The following SAGE1 variants were observed in gnomAD, a reference collection of about 807,000 sequenced individuals.
SAGE1 encodes sarcoma antigen 1.
Under a neutral mutation model 55.4 loss-of-function variants are expected in SAGE1, and 55 were observed. The observed-to-expected ratio is 0.99, with a 90% CI of 0.80 to 1.24. The LOEUF (loss-of-function observed/expected upper bound fraction) is 1.24, where lower values mean the gene tolerates loss of function less well. SAGE1 is among the 50% of genes most tolerant of loss of function. The probability of loss-of-function intolerance (pLI) is 0.00; values close to 1 mark genes in which losing one functional copy is unlikely to be tolerated. For synonymous variants in SAGE1, 240 were observed against 244.3 expected (o/e 0.98, Z 0.17); for missense variants, 710 against 704.4 (o/e 1.01, Z -0.09).
Position 135,908,900 on chromosome X carries a change from T to C in SAGE1, c.1478T>C (p.Met493Thr). The C allele has an allele frequency of 3.3e-6, 4 of 1,210,170 alleles. No individual in the cohort carries two copies. The highest frequency in any genetic ancestry group is 4.5e-6 in the Non-Finnish European group (4 of 894,386). ...TITHSVREEK[M>T]ESGKPQTDKV... is the part of the protein sequence containing the mutation. ...ACTCACAGTGTTCGTGAAGAGAAGA[T>C]GGAAAGTGGCAAACCCCAAACTGAT... The change falls in exon 13 of 20, where the codon ATG becomes ACG. Residue 493 changes from methionine (M) to threonine (T), a missense_variant. Met to Thr is a moderately conservative substitution (Grantham distance 81). Coordinates refer to ENST00000370709, the MANE Select transcript of SAGE1 (RefSeq NM_001381902.1).
At position 135,908,202 on chromosome X, in the gene SAGE1, A is replaced by T. The variant is rs145952520; in HGVS notation, c.1273A>T (p.Ile425Phe). ...GCTTATTAACTTGGCAGGAGCTGGTATTCCACCCATGAGTACCAGGGATCA... is the reference window on the plus strand; with the variant it reads ...GCTTATTAACTTGGCAGGAGCTGGTTTTCCACCCATGAGTACCAGGGATCA... ...PELINLAGAG[I>F]PPMSTRDQYA... is the part of the protein sequence containing the mutation. Residue 425 changes from isoleucine to phenylalanine, a missense_variant, in exon 11 of 20, where the codon ATT (isoleucine) becomes TTT (phenylalanine). Physicochemically the swap from Ile to Phe is conservative, Grantham distance 21. Coordinates refer to ENST00000370709, the MANE Select transcript of SAGE1 (RefSeq NM_001381902.1). 8.3e-7 allele frequency: 1 copy of T among 1,209,644 alleles called. No homozygotes were observed. Among genetic ancestry groups the T allele is most frequent in the Non-Finnish European group, 1.1e-6 (1 of 893,539 alleles).
chrX:135,897,876 C>A (rs1426868479), intron 2 of SAGE1, among the ~76,000 whole-genome samples: 1 of 111,071 alleles, frequency 9.0e-6, no homozygotes, highest in East Asian at 2.8e-4. Flanking sequence ...CCCGACGTGT[C>A]CATGTGTTCT....
intron 2 of SAGE1, among the ~76,000 whole-genome samples, chrX:135,896,599 C>G (rs1481796444): frequency 2.0e-5 from 2 of 102,439 alleles, no homozygotes; most frequent in Non-Finnish European, 3.9e-5. Flanking sequence ...ACTCTTGTTG[C>G]CCAGGCTGGA....
chrX:135,896,908 A>T (rs782483911), intron 2 of SAGE1, among the ~76,000 whole-genome samples: 1 of 111,651 alleles, frequency 9.0e-6, no homozygotes, highest in Non-Finnish European at 1.9e-5. Flanking sequence ...TGTTCTGCAG[A>T]TATGTATTAC....
chrX:135,905,468 CT>C, intron 5 of SAGE1, 76 bp downstream of exon 5: 1 of 1,010,373 alleles, frequency 9.9e-7, no homozygotes, highest in Non-Finnish European at 1.4e-6. Flanking sequence ...GTAGAAGTCA[CT>C]TTTGTTGCAT....
chrX:135,910,598 A>G, intron 16 of SAGE1, 43 bp downstream of exon 16: 1 of 1,134,001 alleles, frequency 8.8e-7, no homozygotes, highest in Non-Finnish European at 1.2e-6. Context: ...TGGTTTCCCT[A>G]AGCAGGCATA....
Position 135,907,743 on chromosome X carries a change from A to G in SAGE1, c.1061A>G (p.Asn354Ser), listed in dbSNP as rs2088822002. ...THNVCEERVV[N>S]NQPLPSNALS... ...AATGTCTGTGAAGAGAGAGTGGTAA[A>G]TAACCAACCACTACCTAGTAACGCC... Residue 354 changes from asparagine to serine, a missense_variant, in exon 10 of 20, where the codon AAT becomes AGT. By Grantham distance (46) the Asn-to-Ser change is conservative. Coordinates refer to ENST00000370709, the MANE Select transcript of SAGE1 (RefSeq NM_001381902.1). 1 of 1,208,336 alleles carries G rather than the reference A, an allele frequency of 8.3e-7. No homozygotes were observed. Among genetic ancestry groups the G allele is most frequent in the African/African-American group, 1.7e-5 (1 of 57,577 alleles).
chrX:135,910,372 A>C lies in SAGE1; in HGVS notation c.1865-43A>C, dbSNP rs369461608. On this transcript the variant is annotated intron_variant, in intron 15 of 19. Coordinates refer to ENST00000370709, the MANE Select transcript of SAGE1 (RefSeq NM_001381902.1). ...AGAGGGGTATGCCTGTGCGGTTGAC[A>C]TAATGCACTTACCTCACGCCCAACC... 207 of 1,196,851 alleles carry C rather than the reference A, an allele frequency of 1.7e-4. 1 individual carries two copies. The highest frequency in any genetic ancestry group is 2.3e-4 in the Non-Finnish European group (204 of 884,546).
chrX:135,909,116 G>A, intron 13 of SAGE1, 112 bp downstream of exon 13: 2 of 685,671 alleles, frequency 2.9e-6, no homozygotes, highest in Non-Finnish European at 4.4e-6. Flanking sequence ...CAATTTGAGG[G>A]ATCTCAGTTG....
chrX:135,904,682 T>G, intron 4 of SAGE1, 113 bp downstream of exon 4: 1 of 502,159 alleles, frequency 2.0e-6, no homozygotes. Context: ...TCATGAATTA[T>G]AGAAGGTGGT....
chrX:135,910,099 T>A lies in SAGE1; in HGVS notation c.1793T>A (p.Phe598Tyr), dbSNP rs782734509. The A allele has an allele frequency of 8.3e-6, 10 of 1,204,829 alleles. No individual in the cohort carries two copies. In the South Asian group the frequency reaches 1.8e-4, roughly 21 times the overall value. The change falls in exon 15 of 20, where the codon TTC (phenylalanine) becomes TAC (tyrosine). Residue 598 changes from phenylalanine to tyrosine, a missense_variant. By Grantham distance (22) the Phe-to-Tyr change is conservative (BLOSUM62 3). Transcript: ENST00000370709. ...GGCCAAGCAGCATCCGATAATGTCT[T>A]CTCGACTGTTCCACCAGCATTTATT... Reference protein sequence around the residue: ...KNGQAASDNVFSTVPPAFINM... With the variant: ...KNGQAASDNVYSTVPPAFINM...
intron 18 of SAGE1, 61 bp downstream of exon 18, chrX:135,912,014 G>C (rs782375586): frequency 1.1e-5 from 13 of 1,174,163 alleles, no homozygotes; most frequent in Non-Finnish European, 1.5e-5. Context: ...CTATGATTTA[G>C]AACAGAATTG....
At position 135,895,012 on chromosome X, in the gene SAGE1, T is replaced by TTTGTTTG. The variant is rs2088562595; in HGVS notation, c.1-1229_1-1228insGTTTGTT. On this transcript the variant is annotated intron_variant, in intron 1 of 19. Transcript: ENST00000370709. ...AGTTTGTTTGTTTGTTTGTTTGTTT[T>TTTGTTTG]TTAACTTAAAGGAAAGTATGTATTA... 1.5e-3 allele frequency among the ~76,000 whole-genome samples: 94 copies of TTTGTTTG among 63,434 alleles called. 1 individual carries two copies. Among genetic ancestry groups the TTTGTTTG allele is most frequent in the Non-Finnish European group, 2.6e-3 (78 of 30,333 alleles). 55.1% of individuals were successfully genotyped at this position (63,434 alleles called of 115,157 possible).
chrX:135,905,420 A>G (rs367777803), intron 5 of SAGE1, 28 bp downstream of exon 5: 54 of 1,146,630 alleles, frequency 4.7e-5, no homozygotes, highest in South Asian at 3.7e-4. Context: ...TTGTACTGTC[A>G]TACTTGTTTT....
At chrX:135,906,730 A>T (rs782484273) in intron 7 of SAGE1, among the ~76,000 whole-genome samples, 179 bp downstream of exon 7, 1 of 111,456 alleles carries the variant, frequency 9.0e-6, no homozygotes, top group African/African-American at 3.3e-5. Flanking sequence ...ATATGCATGC[A>T]TAGTGTCAAA....
chrX:135,908,129 T>C lies in SAGE1; in HGVS notation c.1200T>C (p.Asp400=), dbSNP rs144682113. The change falls in exon 11 of 20, where the codon GAT becomes GAC. Residue 400 remains aspartate, a synonymous_variant. Transcript: ENST00000370709. Reference sequence around the variant, plus strand: ...ACAATCTGCGTGAAGAGAAGAAAGATAACAGCCAACCAACCCCTGATAACG... The same window carrying C: ...ACAATCTGCGTGAAGAGAAGAAAGACAACAGCCAACCAACCCCTGATAACG... ...IIHNLREEKK[D]NSQPTPDNVL... is the part of the protein sequence containing the mutation. 3,446 of 1,207,762 alleles carry C rather than the reference T, an allele frequency of 2.9e-3. 8 individuals carry two copies. The highest frequency in any genetic ancestry group is 3.6e-3 in the Non-Finnish European group (3,257 of 893,975).
At chrX:135,912,201 A>G (rs2088910599) in intron 18 of SAGE1, 120 bp from the exon 19 acceptor site, 2 of 1,101,675 alleles carry the variant, frequency 1.8e-6, no homozygotes, top group African/African-American at 3.7e-5. Flanking sequence ...AGCATTCAAA[A>G]CAAGCACTAT....
In SAGE1 at chrX:135,906,135, C is replaced by G. The variant is rs782649719; in HGVS notation, c.566C>G (p.Pro189Arg). Residue 189 changes from proline (P) to arginine (R), a missense_variant, in exon 6 of 20, where the codon CCT becomes CGT. Pro to Arg is a moderately radical substitution (Grantham distance 103). Coordinates refer to ENST00000370709, the MANE Select transcript of SAGE1 (RefSeq NM_001381902.1). Reference sequence around the variant, plus strand: ...GGGCTTATTAATATGGCAGCAACTCCTATTCCAGCCATGAGTGCCAGAGAT... The same window carrying G: ...GGGCTTATTAATATGGCAGCAACTCGTATTCCAGCCATGAGTGCCAGAGAT... Reference protein sequence around the residue: ...PTGLINMAATPIPAMSARDLY... With the variant: ...PTGLINMAATRIPAMSARDLY... 8.3e-7 allele frequency: 1 copy of G among 1,204,074 alleles called. No homozygotes were observed. The highest frequency in any genetic ancestry group is 1.1e-6 in the Non-Finnish European group (1 of 891,296).
chrX:135,905,894 C>G (rs1290690337), intron 5 of SAGE1, 130 bp from the exon 6 acceptor site: 4 of 593,404 alleles, frequency 6.7e-6, no homozygotes, highest in Non-Finnish European at 1.0e-5. Flanking sequence ...TCAGGGGTCT[C>G]AAATCACCAC....
Sources: gnomAD v4.1 joint callset for allele counts (sites outside exome capture counted in the v4.1 genomes callset) on GRCh38, gnomAD v4.1.1 for gene constraint, MANE v1.5 for transcripts, NCBI Gene and HGNC (gene_info 2026-07-23, HGNC 2026-07-21) for gene names.